The following DLG2 variants were observed in gnomAD, a reference collection of about 807,000 sequenced individuals.
The protein encoded by DLG2 is disks large homolog 2.
A neutral mutation model predicts 132.5 loss-of-function variants in DLG2; 45 were observed. The ratio of observed to expected loss-of-function variants is 0.34; its 90% CI spans 0.27 to 0.44. The LOEUF (loss-of-function observed/expected upper bound fraction) is 0.44. DLG2 is among the 20% of genes least tolerant of loss of function. The pLI is 1.00. For missense variants in DLG2, 1,045 were observed against 1,196.9 expected, an observed-to-expected ratio of 0.87 and a Z score of 1.87; for synonymous variants, 424 against 419.6, an observed-to-expected ratio of 1.01 and a Z score of -0.13.
In DLG2 at chr11:84,847,162, C is replaced by T. The variant is rs546952719; in HGVS notation, c.357+264499G>A. Among the ~76,000 whole-genome samples, 6 of 152,022 alleles carry T rather than the reference C, an allele frequency of 3.9e-5. No individual in the cohort carries two copies. The South Asian group carries it at 6.3e-4, about 16-fold the overall frequency. On this transcript the variant is annotated intron_variant, in intron 6 of 27. Coordinates refer to ENST00000376104, the MANE Select transcript of DLG2 (RefSeq NM_001142699.3). ...ATTGATATTTGAAAGAGAGCCCTAC[C>T]GAAACAAAAATATAAAATATATAGC...
At chr11:84,293,893 A>C (rs1415104615) in intron 7 of DLG2, among the ~76,000 whole-genome samples, 1 of 152,188 alleles carries the variant, frequency 6.6e-6, no homozygotes, top group Non-Finnish European at 1.5e-5. Flanking sequence ...TTATGCAATA[A>C]CTAGATATTC....
intron 6 of DLG2, among the ~76,000 whole-genome samples, chr11:84,894,887 C>A (rs1299620218): frequency 7.3e-6 from 1 of 137,652 alleles, no homozygotes; most frequent in Non-Finnish European, 1.6e-5. Context: ...TGCTGAGACC[C>A]CTTGCGGATT....
At chr11:83,634,647 G>A (rs951138055) in intron 18 of DLG2, among the ~76,000 whole-genome samples, 2 of 152,022 alleles carry the variant, frequency 1.3e-5, no homozygotes, top group African/African-American at 4.8e-5. Flanking sequence ...TACAATAAAA[G>A]ATGATCTACT....
chr11:83,975,928 A>G (rs2092138651), intron 12 of DLG2, among the ~76,000 whole-genome samples: 3 of 151,938 alleles, frequency 2.0e-5, no homozygotes, highest in African/African-American at 7.2e-5. Flanking sequence ...GGGAGGTATT[A>G]TCCATCCTTA....
chr11:84,869,971 G>A (rs1397026997), intron 6 of DLG2, among the ~76,000 whole-genome samples: 1 of 152,178 alleles, frequency 6.6e-6, no homozygotes, highest in African/African-American at 2.4e-5. Flanking sequence ...ATGTACATGT[G>A]TCAGCACAAA....
chr11:85,456,859 T>C (rs577500510), intron 3 of DLG2, among the ~76,000 whole-genome samples: 1 of 152,204 alleles, frequency 6.6e-6, no homozygotes, highest in Admixed American at 6.5e-5. Context: ...TTGTTTTGAA[T>C]TTGCCAAGGA....
At chr11:84,075,314 T>G (rs535748689) in intron 10 of DLG2, among the ~76,000 whole-genome samples, 31 of 152,308 alleles carry the variant, frequency 2.0e-4, no homozygotes, top group Admixed American at 2.0e-3. Flanking sequence ...ATTTGTATAT[T>G]TGTTTATCTT....
chr11:83,997,655 C>T (rs2094115433), intron 11 of DLG2, among the ~76,000 whole-genome samples: 1 of 137,514 alleles, frequency 7.3e-6, no homozygotes, highest in Non-Finnish European at 1.5e-5. Flanking sequence ...TGCTTGAACC[C>T]AGGAGGCGGA....
At chr11:85,459,857 C>T (rs1207279718) in intron 3 of DLG2, among the ~76,000 whole-genome samples, 1 of 152,182 alleles carries the variant, frequency 6.6e-6, no homozygotes, top group African/African-American at 2.4e-5. Context: ...GGCTGAGAGG[C>T]CCTGCCTAGT....
intron 17 of DLG2, among the ~76,000 whole-genome samples, chr11:83,833,016 G>T (rs1455513421): frequency 6.6e-6 from 1 of 152,092 alleles, no homozygotes; most frequent in Admixed American, 6.5e-5. Context: ...TTTTTAAAAA[G>T]GCATGCTTCT....
chr11:83,597,575 T>C (rs990457815), intron 19 of DLG2, among the ~76,000 whole-genome samples: 2 of 151,538 alleles, frequency 1.3e-5, no homozygotes, highest in African/African-American at 4.9e-5. Flanking sequence ...TGTGTGCCTA[T>C]AGTCGCCCCA....
At chr11:84,723,770 C>T (rs2062091466) in intron 6 of DLG2, among the ~76,000 whole-genome samples, 1 of 152,072 alleles carries the variant, frequency 6.6e-6, no homozygotes, top group South Asian at 2.1e-4. Flanking sequence ...GTCAAAATAA[C>T]TACTCTTAAT....
In DLG2 at chr11:85,490,700, G is replaced by A. The variant is rs192682958; in HGVS notation, c.40+107957C>T. 2.0e-5 allele frequency among the ~76,000 whole-genome samples: 3 copies of A among 152,066 alleles called. No individual in the cohort carries two copies. In the East Asian group the frequency reaches 5.8e-4, roughly 29 times the overall value. On this transcript the variant is annotated intron_variant, in intron 3 of 27. Transcript: ENST00000376104. ...TCACAAACTATATGCTCAAAACTTA[G>A]AGGAAATGGATAAATTTCTAAAATC...
chr11:85,412,760 C>CACACACACACATATAT (rs756868795), intron 3 of DLG2, among the ~76,000 whole-genome samples: 4 of 113,244 alleles, frequency 3.5e-5, no homozygotes, highest in Admixed American at 9.2e-5. Context: ...CACACACACA[C>CACACACACACATATAT]ATATATATAT....
chr11:84,926,862 C>A (rs1566418744), intron 6 of DLG2, among the ~76,000 whole-genome samples: 1 of 152,128 alleles, frequency 6.6e-6, no homozygotes, highest in South Asian at 2.1e-4. Flanking sequence ...AAGAATCTAT[C>A]AATTTCTGAA....
intron 7 of DLG2, among the ~76,000 whole-genome samples, chr11:84,270,746 G>C (rs867659788): frequency 3.3e-5 from 5 of 152,138 alleles, no homozygotes; most frequent in Middle Eastern, 3.2e-3. Context: ...ACTTGCTTAC[G>C]ACCTTTTCAG....
Position 84,096,076 on chromosome 11 carries a change from T to G in DLG2, c.749+2847A>C, listed in dbSNP as rs114398684. Among the ~76,000 whole-genome samples the G allele has an allele frequency of 7.3e-3, 1,116 of 152,292 alleles. 16 individuals carry two copies. Among genetic ancestry groups the G allele is most frequent in the African/African-American group, 0.024 (1,014 of 41,566 alleles). The stretch of plus-strand genomic sequence containing the variant: ...GTTTTTAGGCAGAGACCACATGATG[T>G]AGGGATTCTACCAACACATGAGATT... On this transcript the variant is annotated intron_variant, in intron 10 of 27. Coordinates refer to ENST00000376104, the MANE Select transcript of DLG2 (RefSeq NM_001142699.3).
intron 8 of DLG2, among the ~76,000 whole-genome samples, chr11:84,201,645 T>C (rs2096595078): frequency 2.0e-5 from 3 of 151,526 alleles, no homozygotes; most frequent in Middle Eastern, 3.2e-3. Context: ...ATTACTGGTC[T>C]ATTCAGGGAT....
chr11:83,657,510 C>A (rs1017232166), intron 18 of DLG2, among the ~76,000 whole-genome samples: 2 of 149,964 alleles, frequency 1.3e-5, no homozygotes, highest in Non-Finnish European at 3.0e-5. Context: ...TACCAGTAGT[C>A]CGTGCTTTTA....
Sources: gnomAD v4.1 joint callset for allele counts (sites outside exome capture counted in the v4.1 genomes callset) on GRCh38, gnomAD v4.1.1 for gene constraint, MANE v1.5 for transcripts, NCBI Gene and HGNC (gene_info 2026-07-23, HGNC 2026-07-21) for gene names.